The following TCF12 variants were observed in gnomAD, a reference collection of about 807,000 sequenced individuals.
TCF12 encodes DNA-binding protein HTF4.
In TCF12, 45 loss-of-function variants were observed where a neutral mutation model predicts 86.0. The observed-to-expected ratio is 0.52, with a 90% CI of 0.41 to 0.67. The LOEUF (loss-of-function observed/expected upper bound fraction) is 0.67, where lower values mean the gene tolerates loss of function less well. TCF12 is among the 30% of genes least tolerant of loss of function. TCF12 has a pLI of 0.00. For missense variants in TCF12, 881 were observed against 859.9 expected, an observed-to-expected ratio of 1.02 and a Z score of -0.31; for synonymous variants, 330 against 299.6, an observed-to-expected ratio of 1.10 and a Z score of -1.05.
chr15:57,115,199 A>T (rs1431207783), intron 5 of TCF12, among the ~76,000 whole-genome samples: 2 of 152,202 alleles, frequency 1.3e-5, no homozygotes, highest in Non-Finnish European at 1.5e-5. Context: ...AAAGGTTCAA[A>T]GTTCTATTCA....
chr15:57,180,963 C>T lies in TCF12; in HGVS notation c.391-11195C>T, dbSNP rs930945729. Among the ~76,000 whole-genome samples, 10 of 151,630 alleles carry T rather than the reference C, an allele frequency of 6.6e-5. No homozygotes were observed. In the East Asian group the frequency reaches 1.6e-3, roughly 24 times the overall value. Reference sequence around the variant, plus strand: ...CTGAGTGGCTGGGACTACAGGCACCCGCCACCACGCCCGCCTAATTTTTTG... The same window carrying T: ...CTGAGTGGCTGGGACTACAGGCACCTGCCACCACGCCCGCCTAATTTTTTG... On this transcript the variant is annotated intron_variant, in intron 6 of 20. Transcript: ENST00000333725.
intron 16 of TCF12, among the ~76,000 whole-genome samples, chr15:57,254,052 A>G (rs2060236438): frequency 6.6e-6 from 1 of 152,332 alleles, no homozygotes; most frequent in Admixed American, 6.5e-5. Context: ...ATACACATCA[A>G]AAATTCTGTG....
Position 57,272,779 on chromosome 15 carries a change from C to G in TCF12, c.1746-251C>G, listed in dbSNP as rs561962010. On this transcript the variant is annotated intron_variant, in intron 18 of 20. Coordinates refer to ENST00000333725, the MANE Select transcript of TCF12 (RefSeq NM_207037.2). Reference sequence around the variant, plus strand: ...ATTTATGAAGAGTTTCTGGAGAAATCTTTATGCTATAATGTGCAATGAAAA... The same window carrying G: ...ATTTATGAAGAGTTTCTGGAGAAATGTTTATGCTATAATGTGCAATGAAAA... Among the ~76,000 whole-genome samples, 285 of 152,286 alleles carry G rather than the reference C, an allele frequency of 1.9e-3. 1 individual carries two copies. Among genetic ancestry groups the G allele is most frequent in the African/African-American group, 6.6e-3 (275 of 41,556 alleles).
chr15:57,001,075 G>A (rs1309982703), intron 3 of TCF12, among the ~76,000 whole-genome samples: 2 of 143,208 alleles, frequency 1.4e-5, no homozygotes, highest in Admixed American at 1.5e-4. Context: ...GGAGTGCAGT[G>A]GCGCGATCTC....
intron 5 of TCF12, among the ~76,000 whole-genome samples, chr15:57,143,416 A>C (rs2053132347): frequency 6.6e-6 from 1 of 152,190 alleles, no homozygotes; most frequent in African/African-American, 2.4e-5. Context: ...AAGGGGAGGA[A>C]GTTTCATTTA....
intron 5 of TCF12, among the ~76,000 whole-genome samples, chr15:57,127,559 A>T (rs1236433638): frequency 3.3e-5 from 5 of 152,204 alleles, no homozygotes; most frequent in African/African-American, 1.2e-4. Flanking sequence ...TCCTGCACCG[A>T]TTTAAACAAA....
intron 3 of TCF12, among the ~76,000 whole-genome samples, chr15:57,006,311 AT>A (rs1236225613): frequency 6.7e-6 from 1 of 149,616 alleles, no homozygotes; most frequent in African/African-American, 2.4e-5. Flanking sequence ...ATTGCTATTA[AT>A]TTTTTTTTTG....
intron 5 of TCF12, among the ~76,000 whole-genome samples, chr15:57,138,059 A>G (rs1323948134): frequency 1.3e-5 from 2 of 152,124 alleles, no homozygotes; most frequent in East Asian, 1.9e-4. Context: ...AAGTATTACC[A>G]CCAGTTCTAC....
chr15:56,928,518 G>A (rs1382277723), intron 3 of TCF12, among the ~76,000 whole-genome samples: 1 of 152,162 alleles, frequency 6.6e-6, no homozygotes, highest in Non-Finnish European at 1.5e-5. Flanking sequence ...AGAGCAACAA[G>A]TCAGAGTTGC....
chr15:56,971,243 G>T (rs1283334864), intron 3 of TCF12, among the ~76,000 whole-genome samples: 1 of 151,372 alleles, frequency 6.6e-6, no homozygotes, highest in Non-Finnish European at 1.5e-5. Context: ...GGCCAACATC[G>T]CGCAACTCCA....
At chr15:57,247,197 C>T in intron 13 of TCF12, 1 of 606,588 alleles carries the variant, frequency 1.6e-6, no homozygotes, top group Non-Finnish European at 3.0e-6. Context: ...TCATAGCCCC[C>T]TCTACTACTG....
rs1422431538 is a variant in TCF12, at chr15:57,223,653, T to TTTTTGTTTTTGTTTTG, written c.580-7495_580-7494insGTTTTTGTTTTGTTTT. 5.2e-4 allele frequency among the ~76,000 whole-genome samples: 71 copies of TTTTTGTTTTTGTTTTG among 135,376 alleles called. 1 individual carries two copies. Among genetic ancestry groups the TTTTTGTTTTTGTTTTG allele is most frequent in the African/African-American group, 1.9e-3 (68 of 36,250 alleles). The allele number at this position is 135,376 out of a possible 152,430, so 88.8% of individuals were successfully genotyped here. ...CTGCCTACCAATGAGGTTTTTTTTTTTTTTTTTTTTTTTTTTTTAGAAATA... is the reference window on the plus strand; with the variant it reads ...CTGCCTACCAATGAGGTTTTTTTTTTTTTTGTTTTTGTTTTGTTTTTTTTTTTTTTTTTTAGAAATA... On this transcript the variant is annotated intron_variant, in intron 8 of 20. Coordinates refer to ENST00000333725, the MANE Select transcript of TCF12 (RefSeq NM_207037.2).
At chr15:57,227,647 A>C (rs946393270) in intron 8 of TCF12, among the ~76,000 whole-genome samples, 5 of 152,156 alleles carry the variant, frequency 3.3e-5, no homozygotes, top group African/African-American at 1.2e-4. Context: ...GGTATCTGTT[A>C]GATTTTCTAT....
chr15:57,248,179 T>C (rs1755551333), intron 13 of TCF12: 2 of 692,380 alleles, frequency 2.9e-6, no homozygotes, highest in Non-Finnish European at 5.3e-6. Context: ...TTACGTCTTA[T>C]TGGCCAGCAC....
intron 5 of TCF12, among the ~76,000 whole-genome samples, chr15:57,110,604 A>T (rs2050422006): frequency 6.6e-6 from 1 of 152,216 alleles, no homozygotes; most frequent in Non-Finnish European, 1.5e-5. Context: ...TACAGGAAGA[A>T]AATAATGCAA....
chr15:57,085,250 C>T (rs1596459944), intron 4 of TCF12, among the ~76,000 whole-genome samples: 1 of 152,170 alleles, frequency 6.6e-6, no homozygotes, highest in African/African-American at 2.4e-5. Context: ...ATAAAAAGTT[C>T]TTGCCCTGTA....
At chr15:57,265,667 A>T (rs879829455) in intron 18 of TCF12, among the ~76,000 whole-genome samples, 1 of 152,140 alleles carries the variant, frequency 6.6e-6, no homozygotes, top group Non-Finnish European at 1.5e-5. Flanking sequence ...CTTAACTCTT[A>T]TTTATATCAA....
chr15:57,170,194 G>A (rs1378425903), intron 6 of TCF12, among the ~76,000 whole-genome samples: 4 of 152,036 alleles, frequency 2.6e-5, no homozygotes, highest in African/African-American at 7.2e-5. Context: ...TTCAGCATAG[G>A]AATCCATCAG....
intron 14 of TCF12, among the ~76,000 whole-genome samples, chr15:57,251,766 CCAG>C (rs2060129340): frequency 6.6e-6 from 1 of 152,108 alleles, no homozygotes; most frequent in Non-Finnish European, 1.5e-5. Flanking sequence ...AAAATTTAAT[CCAG>C]CAATGCAAAA....
Sources: gnomAD v4.1 joint callset for allele counts (sites outside exome capture counted in the v4.1 genomes callset) on GRCh38, gnomAD v4.1.1 for gene constraint, MANE v1.5 for transcripts, NCBI Gene and HGNC (gene_info 2026-07-23, HGNC 2026-07-21) for gene names.